SCHIP1: variants seen among roughly 807,000 people sequenced by gnomAD.
SCHIP1 encodes the protein schwannomin-interacting protein 1.
In SCHIP1, 8 loss-of-function variants were observed where a neutral mutation model predicts 29.7. That is an observed-to-expected ratio of 0.27 (90% CI 0.16 to 0.49). The LOEUF is 0.49. Among genes scored for constraint, SCHIP1 ranks in the 20% least tolerant of loss-of-function variants. The pLI is 0.99. For synonymous variants in SCHIP1, 76 were observed against 94.9 expected, an observed-to-expected ratio of 0.80 and a Z score of 1.16; for missense variants, 193 against 294.6, an observed-to-expected ratio of 0.66 and a Z score of 2.52.
chr3:159,473,882 T>A, the SCHIP1 span, among the ~76,000 whole-genome samples: 1 of 152,052 alleles, frequency 6.6e-6, no homozygotes, highest in African/African-American at 2.4e-5. Flanking sequence ...CTACATAGTT[T>A]ACATAACACA....
the SCHIP1 span, among the ~76,000 whole-genome samples, chr3:159,633,271 G>A: frequency 5.9e-5 from 9 of 152,120 alleles, no homozygotes; most frequent in Admixed American, 5.2e-4. Flanking sequence ...AATTTATTCT[G>A]TAAGGAAGCT....
chr3:159,411,363 T>C, the SCHIP1 span, among the ~76,000 whole-genome samples: 1 of 152,128 alleles, frequency 6.6e-6, no homozygotes, highest in Non-Finnish European at 1.5e-5. Context: ...TTGTTATGCA[T>C]TGTATGCCTG....
At chr3:159,667,137 G>C in the SCHIP1 span, among the ~76,000 whole-genome samples, 4 of 152,170 alleles carry the variant, frequency 2.6e-5, no homozygotes, top group Non-Finnish European at 5.9e-5. Flanking sequence ...GGGGGAGTGA[G>C]AACTTGTAGC....
At chr3:159,301,482 T>C in the SCHIP1 span, among the ~76,000 whole-genome samples, 1 of 152,164 alleles carries the variant, frequency 6.6e-6, no homozygotes. Context: ...TAGGAGGTCA[T>C]AGAATTCTCA....
the SCHIP1 span, among the ~76,000 whole-genome samples, chr3:159,751,526 C>A: frequency 6.6e-6 from 1 of 151,582 alleles, no homozygotes; most frequent in Non-Finnish European, 1.5e-5. Context: ...GAAATTAATT[C>A]CAGCTCTTCT....
the SCHIP1 span, among the ~76,000 whole-genome samples, chr3:159,788,344 A>G: frequency 6.6e-6 from 1 of 152,262 alleles, no homozygotes; most frequent in Non-Finnish European, 1.5e-5. Context: ...ACAAGGCGTT[A>G]CAGAAGTGCC....
chr3:159,398,365 T>C, the SCHIP1 span, among the ~76,000 whole-genome samples: 1 of 152,102 alleles, frequency 6.6e-6, no homozygotes, highest in African/African-American at 2.4e-5. Flanking sequence ...GCCAGCACTC[T>C]TTTTAAGGAG....
chr3:159,532,841 C>T, the SCHIP1 span, among the ~76,000 whole-genome samples: 1 of 152,182 alleles, frequency 6.6e-6, no homozygotes, highest in Admixed American at 6.5e-5. Context: ...GCTTACACTT[C>T]AAGTGAAGAT....
the SCHIP1 span, among the ~76,000 whole-genome samples, chr3:159,414,608 A>T: frequency 6.6e-6 from 1 of 152,318 alleles, no homozygotes. Context: ...GCTCCTGATC[A>T]CTGCATAAAT....
At chr3:159,629,070 G>A in the SCHIP1 span, among the ~76,000 whole-genome samples, 1 of 151,988 alleles carries the variant, frequency 6.6e-6, no homozygotes, top group Non-Finnish European at 1.5e-5. Flanking sequence ...TATACATGCT[G>A]AAAATACGGT....
chr3:159,667,856 G>T, the SCHIP1 span, among the ~76,000 whole-genome samples: 1 of 152,168 alleles, frequency 6.6e-6, no homozygotes, highest in Non-Finnish European at 1.5e-5. Flanking sequence ...CCACCAAACA[G>T]TTCTTAGTCT....
chr3:159,556,961 GA>G, the SCHIP1 span, among the ~76,000 whole-genome samples: 1 of 150,170 alleles, frequency 6.7e-6, no homozygotes, highest in South Asian at 2.1e-4. Context: ...AAAAAAAAAA[GA>G]TTTTTTTTTT....
At chr3:159,453,443 G>C in the SCHIP1 span, among the ~76,000 whole-genome samples, 7 of 152,146 alleles carry the variant, frequency 4.6e-5, no homozygotes, top group African/African-American at 1.4e-4. Context: ...TCCTGAACAA[G>C]AAACCTCCCT....
chr3:159,888,134 C>A (rs528790877), intron 4 of SCHIP1: 23 of 584,734 alleles, frequency 3.9e-5, no homozygotes, highest in Middle Eastern at 4.7e-4. Context: ...TGATTGATGT[C>A]TACTGTTTCT....
chr3:159,274,152 A>G, the SCHIP1 span: 3 of 985,206 alleles, frequency 3.0e-6, no homozygotes, highest in Non-Finnish European at 3.6e-6. Context: ...CACCAAAACT[A>G]ATTGCATTGC....
chr3:159,841,913 A>T (rs1034357440), intron 1 of SCHIP1, among the ~76,000 whole-genome samples: 5 of 152,224 alleles, frequency 3.3e-5, no homozygotes, highest in Non-Finnish European at 4.4e-5. Flanking sequence ...CTACATGTGT[A>T]TGTTCTTTTG....
chr3:159,286,006 G>A, the SCHIP1 span, among the ~76,000 whole-genome samples: 1 of 151,954 alleles, frequency 6.6e-6, no homozygotes, highest in African/African-American at 2.4e-5. Context: ...ATTGTTTTGT[G>A]ATCTTTTAAC....
the SCHIP1 span, among the ~76,000 whole-genome samples, chr3:159,446,044 A>G: frequency 1.5e-4 from 21 of 143,560 alleles, no homozygotes; most frequent in African/African-American, 5.2e-4. Context: ...ATAATAATAA[A>G]AAGAAAATTC....
chr3:159,583,901 T>C, the SCHIP1 span, among the ~76,000 whole-genome samples: 2 of 152,196 alleles, frequency 1.3e-5, no homozygotes, highest in African/African-American at 4.8e-5. Context: ...GGCTCTTTAT[T>C]CTCTCGCTGA....
Sources: allele counts gnomAD v4.1 joint callset (sites outside exome capture counted in the v4.1 genomes callset), GRCh38; gene constraint gnomAD v4.1.1; transcripts MANE v1.5; gene names NCBI Gene and HGNC (gene_info 2026-07-23, HGNC 2026-07-21).